ITIH2: variants seen among roughly 807,000 people sequenced by gnomAD.
ITIH2 encodes inter-alpha-trypsin inhibitor heavy chain H2.
A neutral mutation model predicts 104.4 loss-of-function variants in ITIH2; 103 were observed. The observed-to-expected ratio is 0.99, with a 90% CI of 0.84 to 1.16. The LOEUF (loss-of-function observed/expected upper bound fraction) is 1.16. ITIH2 is among the 50% of genes most tolerant of loss of function. The pLI is 0.00. For missense variants in ITIH2, 1,108 were observed against 1,162.4 expected (o/e 0.95, Z 0.68); for synonymous variants, 436 against 435.4 (o/e 1.00, Z -0.02).
intron 1 of ITIH2, 120 bp downstream of exon 1, chr10:7,703,638 T>C (rs1325708778): frequency 1.5e-6 from 1 of 672,806 alleles, no homozygotes; most frequent in African/African-American, 1.8e-5. Context: ...ATAAAATTCA[T>C]CTGAGTGCAA....
chr10:7,745,309 T>C (rs1037066329), intron 19 of ITIH2, among the ~76,000 whole-genome samples: 1 of 152,204 alleles, frequency 6.6e-6, no homozygotes, highest in Admixed American at 6.5e-5. Context: ...ATGTCCCTAG[T>C]ATTTTAAGAA....
chr10:7,703,324 T>C lies in ITIH2; in HGVS notation c.-111T>C. ...GTTTTTTCTTCTTTTTTCTTCTTTC[T>C]TAAAGCGAACTGTACTCCTCTGCTG... On this transcript the variant is annotated 5_prime_UTR_variant, in exon 1 of 21. Coordinates refer to ENST00000358415, the MANE Select transcript of ITIH2 (RefSeq NM_002216.3). 1.4e-6 allele frequency: 1 copy of C among 709,950 alleles called. No individual in the cohort carries two copies. The allele number at this position is 709,950 out of a possible 1,614,324, so 44.0% of individuals were successfully genotyped here.
intron 2 of ITIH2, among the ~76,000 whole-genome samples, chr10:7,705,892 G>T (rs1329649920): frequency 6.6e-6 from 1 of 152,076 alleles, no homozygotes; most frequent in African/African-American, 2.4e-5. Flanking sequence ...CTGAGAAGGA[G>T]AATTGGCCAC....
chr10:7,733,129 C>T (rs1285080595), intron 14 of ITIH2, among the ~76,000 whole-genome samples: 1 of 152,054 alleles, frequency 6.6e-6, no homozygotes, highest in Non-Finnish European at 1.5e-5. Context: ...TCTCCCTCAA[C>T]ACCCACCCCC....
chr10:7,732,128 A>G (rs2298318), intron 13 of ITIH2, 132 bp downstream of exon 13: 45,291 of 880,640 alleles, frequency 0.051, 1,493 homozygotes, highest in Admixed American at 0.09. Flanking sequence ...AGGCATGAGA[A>G]TATCTCTGCC....
At chr10:7,724,198 C>T (rs567593807) in intron 9 of ITIH2, among the ~76,000 whole-genome samples, 8 of 152,176 alleles carry the variant, frequency 5.3e-5, no homozygotes, top group Non-Finnish European at 7.4e-5. Flanking sequence ...GTTGAACAAC[C>T]AACTAACCAG....
At chr10:7,741,173 GTTT>G (rs34408370) in intron 16 of ITIH2, among the ~76,000 whole-genome samples, 212 of 100,222 alleles carry the variant, frequency 2.1e-3, no homozygotes, top group Middle Eastern at 0.012. Context: ...ATTGTTTAAG[GTTT>G]TTTTTTTTTT....
At chr10:7,735,282 CT>C (rs1289246380) in intron 15 of ITIH2, among the ~76,000 whole-genome samples, 191 bp downstream of exon 15, 6 of 152,222 alleles carry the variant, frequency 3.9e-5, no homozygotes, top group South Asian at 2.1e-4. Flanking sequence ...GACCATTTTG[CT>C]CACAAGTTTC....
At chr10:7,746,104 T>G (rs1835175312) in intron 19 of ITIH2, among the ~76,000 whole-genome samples, 1 of 114,786 alleles carries the variant, frequency 8.7e-6, no homozygotes, top group Non-Finnish European at 1.7e-5. Flanking sequence ...AAAAAAAGGC[T>G]GTGAGTAGTG....
intron 20 of ITIH2, among the ~76,000 whole-genome samples, chr10:7,748,629 C>T (rs1284812353): frequency 1.4e-5 from 2 of 142,626 alleles, no homozygotes; most frequent in Non-Finnish European, 3.0e-5. Context: ...GCAACCTCCA[C>T]CTCCTGGGTT....
chr10:7,744,424 C>A, intron 18 of ITIH2, 144 bp downstream of exon 18: 1 of 759,726 alleles, frequency 1.3e-6, no homozygotes. Context: ...GTTCTCACTC[C>A]CTACTCTGTT....
At chr10:7,714,231 G>GC (rs1281140568) in intron 5 of ITIH2, among the ~76,000 whole-genome samples, 1 of 145,842 alleles carries the variant, frequency 6.9e-6, no homozygotes, top group Non-Finnish European at 1.5e-5. Context: ...GAGTGCAGTG[G>GC]TGCGATCTCG....
At chr10:7,742,507 G>A (rs1033219457) in intron 16 of ITIH2, among the ~76,000 whole-genome samples, 2 of 152,144 alleles carry the variant, frequency 1.3e-5, no homozygotes, top group Non-Finnish European at 2.9e-5. Context: ...TTGAGAGGCT[G>A]AGATGGGTGG....
chr10:7,720,719 A>C, intron 6 of ITIH2, 137 bp from the exon 7 acceptor site: 1 of 588,424 alleles, frequency 1.7e-6, no homozygotes, highest in African/African-American at 1.9e-5. Flanking sequence ...CAGATCCTGC[A>C]GGAGAGATCG....
intron 4 of ITIH2, among the ~76,000 whole-genome samples, chr10:7,710,637 C>A (rs1027654957): frequency 2.0e-5 from 3 of 152,142 alleles, no homozygotes; most frequent in African/African-American, 4.8e-5. Flanking sequence ...GTTCAACCAC[C>A]ATGTACTTTG....
chr10:7,722,823 G>A (rs1409942097), intron 8 of ITIH2, among the ~76,000 whole-genome samples: 1 of 152,180 alleles, frequency 6.6e-6, no homozygotes, highest in Non-Finnish European at 1.5e-5. Context: ...TGAACACACC[G>A]CGCTGCACAT....
chr10:7,725,264 TA>T (rs1308634688), intron 9 of ITIH2, among the ~76,000 whole-genome samples: 1 of 152,196 alleles, frequency 6.6e-6, no homozygotes, highest in East Asian at 1.9e-4. Context: ...GTCATCTAAA[TA>T]GGTGGTTTCC....
At chr10:7,727,144 G>A (rs1251280614) in intron 10 of ITIH2, 26 bp downstream of exon 10, 10 of 1,582,714 alleles carry the variant, frequency 6.3e-6, no homozygotes, top group Non-Finnish European at 8.6e-6. Context: ...TAAATCCCAA[G>A]GAGACACTTC....
chr10:7,744,619 T>G lies in ITIH2; in HGVS notation c.2409-172T>G, dbSNP rs906574801. Among the ~76,000 whole-genome samples, 24 of 152,220 alleles carry G rather than the reference T, an allele frequency of 1.6e-4. 1 individual carries two copies. The highest frequency in any genetic ancestry group is 5.8e-4 in the African/African-American group (24 of 41,456). On this transcript the variant is annotated intron_variant, in intron 18 of 20. Coordinates refer to ENST00000358415, the MANE Select transcript of ITIH2 (RefSeq NM_002216.3). ...ATGATTGTGTCCTCTGCGTAGAAGC[T>G]TCCCAATGAGTTTCTGTTAATCCAT...
Sources: gnomAD v4.1 joint callset for allele counts (sites outside exome capture counted in the v4.1 genomes callset) on GRCh38, gnomAD v4.1.1 for gene constraint, MANE v1.5 for transcripts, NCBI Gene and HGNC (gene_info 2026-07-23, HGNC 2026-07-21) for gene names.